Variants in KIF21A observed in about 807,000 individuals in gnomAD.
KIF21A encodes kinesin family member 21A.
Under a neutral mutation model 202.9 loss-of-function variants are expected in KIF21A, and 114 were observed. The ratio of observed to expected loss-of-function variants is 0.56; its 90% confidence interval spans 0.48 to 0.66. The LOEUF (loss-of-function observed/expected upper bound fraction) is 0.66. Among genes scored for constraint, KIF21A ranks in the 30% least tolerant of loss-of-function variants. The pLI is 0.00. For missense variants in KIF21A, 1,677 were observed against 1,994.9 expected (o/e 0.84, Z 3.04); for synonymous variants, 667 against 670.8 (o/e 0.99, Z 0.09).
intron 5 of KIF21A, among the ~76,000 whole-genome samples, chr12:39,366,803 C>T (rs1225572159): frequency 4.6e-5 from 7 of 152,186 alleles, no homozygotes; most frequent in African/African-American, 1.4e-4. Context: ...TGACATCCAA[C>T]AACATATGGC....
chr12:39,429,730 T>A (rs911278695), intron 1 of KIF21A, among the ~76,000 whole-genome samples: 2 of 152,138 alleles, frequency 1.3e-5, no homozygotes, highest in African/African-American at 4.8e-5. Flanking sequence ...CCAAAGAAAT[T>A]AACCCTATCT....
intron 16 of KIF21A, among the ~76,000 whole-genome samples, chr12:39,339,331 T>G (rs904129718): frequency 6.6e-6 from 1 of 152,118 alleles, no homozygotes; most frequent in Non-Finnish European, 1.5e-5. Context: ...TACACAAATA[T>G]TTAGCATTGT....
intron 20 of KIF21A, 91 bp downstream of exon 20, chr12:39,332,500 G>A (rs1946596941): frequency 8.4e-6 from 8 of 953,098 alleles, no homozygotes; most frequent in African/African-American, 4.2e-5. Context: ...AAAAAACTTG[G>A]TAAGTGTTAA....
intron 32 of KIF21A, 82 bp downstream of exon 32, chr12:39,311,335 A>G: frequency 4.7e-6 from 6 of 1,272,412 alleles, no homozygotes; most frequent in Non-Finnish European, 6.7e-6. Flanking sequence ...AAATAGTTTG[A>G]CAGTTTTCTA....
intron 35 of KIF21A, among the ~76,000 whole-genome samples, chr12:39,304,100 T>C (rs1487823028): frequency 6.6e-6 from 1 of 152,186 alleles, no homozygotes; most frequent in Non-Finnish European, 1.5e-5. Flanking sequence ...CATAAATACG[T>C]TCATGTCTCT....
rs937185846 is a variant in KIF21A at position 39,300,317 on chromosome 12, T to C, written c.4931+1163A>G. Among the ~76,000 whole-genome samples, 6 of 152,206 alleles carry C rather than the reference T, an allele frequency of 3.9e-5. No homozygotes were observed. In the East Asian group the frequency reaches 1.2e-3, roughly 29 times the overall value. On this transcript the variant is annotated intron_variant, in intron 37 of 37. Coordinates refer to ENST00000361418, the MANE Select transcript of KIF21A (RefSeq NM_001173464.2). ...CAAGGAAGTAAGCAAAAGCGGTGAC[T>C]TTTCAGAAAGTAATGCATCTTGGAA...
chr12:39,350,195 C>T (rs1344693341), intron 11 of KIF21A, among the ~76,000 whole-genome samples: 1 of 151,800 alleles, frequency 6.6e-6, no homozygotes, highest in Non-Finnish European at 1.5e-5. Context: ...GTATTAACAT[C>T]TATTATTTTT....
Position 39,315,943 on chromosome 12 carries a change from C to T in KIF21A, c.3936G>A (p.Ser1312=), listed in dbSNP as rs759507227. The part of the protein sequence containing the change: ...DKSDESDSSL[S]EVHRSSRRGI... ...AGGAAAGAAAGTACCTGTGTACCTC[C>T]GAGAGAGAGGAGTCACTTTCATCAG... The change falls in exon 30 of 38, where the codon TCG becomes TCA. Residue 1312 remains serine (S), a synonymous_variant. Transcript: ENST00000361418. 2.1e-5 allele frequency: 34 copies of T among 1,605,452 alleles called. No individual in the cohort carries two copies. Among genetic ancestry groups the T allele is most frequent in the Middle Eastern group, 1.6e-4 (1 of 6,062 alleles).
At position 39,322,668 on chromosome 12, in the gene KIF21A, A is replaced by G; in HGVS notation, c.3671T>C (p.Ile1224Thr). ...PPGLPSKIGS[I>T]SRQSSLSEKK... is the part of the protein sequence containing the mutation. ...GTTAGTGTAGCTGGGCCAAACTTAC[A>G]TGCTGCCTATCTTAGAAGGTAAGCC... is the stretch of plus-strand genomic sequence containing the variant. The change falls in exon 27 of 38, where the codon ATT becomes ACT. Residue 1224 changes from isoleucine (I) to threonine (T), a missense_variant and splice_region_variant. This residue lies in a region of KIF21A where 705 missense variants were observed against 791.9 expected (regional missense o/e 0.89). Transcript: ENST00000361418. The G allele has an allele frequency of 6.2e-7, 1 of 1,613,606 alleles. No homozygotes were observed. The highest frequency in any genetic ancestry group is 8.5e-7 in the Non-Finnish European group (1 of 1,179,522).
At chr12:39,441,659 G>GAAAAAAAAAAAAAAAAAAAA (rs1939597826) in intron 1 of KIF21A, among the ~76,000 whole-genome samples, 1 of 1,168 alleles carries the variant, frequency 8.6e-4, no homozygotes, top group Non-Finnish European at 1.7e-3. Context: ...TCCCTGGGTG[G>GAAAAAAAAAAAAAAAAAAAA]TAAAAAAAAA....
intron 23 of KIF21A, 39 bp downstream of exon 23, chr12:39,330,707 C>T: frequency 6.3e-7 from 1 of 1,595,712 alleles, no homozygotes; most frequent in Non-Finnish European, 8.6e-7. Flanking sequence ...AGCAAAGCTA[C>T]CATGCAAATT....
chr12:39,338,326 T>A (rs1489936877), intron 16 of KIF21A, among the ~76,000 whole-genome samples: 1 of 152,194 alleles, frequency 6.6e-6, no homozygotes, highest in Non-Finnish European at 1.5e-5. Flanking sequence ...TGTACGGCTA[T>A]ACAGTGCATT....
chr12:39,307,487 T>C (rs1245181175), intron 34 of KIF21A, 78 bp downstream of exon 34: 5 of 1,404,590 alleles, frequency 3.6e-6, no homozygotes. Flanking sequence ...AAAATTGGAT[T>C]TCACATGCAC....
intron 1 of KIF21A, among the ~76,000 whole-genome samples, chr12:39,405,659 C>T (rs1338953361): frequency 6.6e-6 from 1 of 152,114 alleles, no homozygotes; most frequent in African/African-American, 2.4e-5. Flanking sequence ...CCTACACACA[C>T]TTTTCCTTGC....
rs116445646 is a variant in KIF21A at position 39,370,863 on chromosome 12, T to C, written c.45-602A>G. ...CATGTCCTACTATATTGATTTGTCA[T>C]ATATTGAAATACTGTCATCTCTCAG... On this transcript the variant is annotated intron_variant, in intron 1 of 37. Transcript: ENST00000361418. Among the ~76,000 whole-genome samples, 1,155 of 152,204 alleles carry C rather than the reference T, an allele frequency of 7.6e-3. 18 individuals carry two copies. Among genetic ancestry groups the C allele is most frequent in the African/African-American group, 0.026 (1,064 of 41,552 alleles).
intron 31 of KIF21A, among the ~76,000 whole-genome samples, chr12:39,314,758 T>C (rs1944356971): frequency 6.6e-6 from 1 of 151,890 alleles, no homozygotes; most frequent in Non-Finnish European, 1.5e-5. Context: ...TCAAAGGTTA[T>C]AGTATCATAA....
At chr12:39,302,199 C>T (rs1017422117) in intron 36 of KIF21A, among the ~76,000 whole-genome samples, 2 of 152,100 alleles carry the variant, frequency 1.3e-5, no homozygotes, top group South Asian at 4.2e-4. Context: ...ATACTTCATG[C>T]ATAAGTGTAT....
intron 1 of KIF21A, among the ~76,000 whole-genome samples, chr12:39,391,733 C>CGTTGTTGTTGTT: frequency 6.6e-6 from 1 of 150,888 alleles, no homozygotes; most frequent in African/African-American, 2.4e-5. Context: ...CTGCAATTTT[C>CGTTGTTGTTGTT]GTTGTTGTTG....
intron 16 of KIF21A, among the ~76,000 whole-genome samples, chr12:39,337,762 T>C (rs1315550452): frequency 6.6e-6 from 1 of 152,176 alleles, no homozygotes; most frequent in Non-Finnish European, 1.5e-5. Context: ...CTTAAGACAG[T>C]GGTTTCATAA....
Sources: allele counts gnomAD v4.1 joint callset (sites outside exome capture counted in the v4.1 genomes callset), GRCh38; gene constraint gnomAD v4.1.1; regional missense constraint gnomAD v4.1.1; transcripts MANE v1.5; gene names NCBI Gene and HGNC (gene_info 2026-07-23, HGNC 2026-07-21).